SFXN1: variants seen among roughly 807,000 people sequenced by gnomAD.
The protein encoded by SFXN1 is sideroflexin 1.
In SFXN1, 32 loss-of-function variants were observed where a neutral mutation model predicts 39.5. The observed-to-expected ratio is 0.81, with a 90% confidence interval of 0.61 to 1.09. SFXN1 has a LOEUF of 1.09. SFXN1 is among the 50% of genes least tolerant of loss of function. The pLI, the probability that SFXN1 is intolerant of heterozygous loss-of-function variation, is 0.00. For synonymous variants in SFXN1, 136 were observed against 146.5 expected (o/e 0.93, Z 0.52); for missense variants, 402 against 407.1 (o/e 0.99, Z 0.11).
intron 2 of SFXN1, among the ~76,000 whole-genome samples, chr5:175,499,182 GA>G (rs1759980284): frequency 6.6e-6 from 1 of 152,034 alleles, no homozygotes; most frequent in African/African-American, 2.4e-5. Context: ...TTGTACCCAG[GA>G]GGCGGAGGTT....
At chr5:175,504,326 G>T (rs745445333) in intron 2 of SFXN1, among the ~76,000 whole-genome samples, 3 of 152,010 alleles carry the variant, frequency 2.0e-5, no homozygotes, top group Non-Finnish European at 4.4e-5. Context: ...TGTAATCCCA[G>T]CACTTTGGGA....
At chr5:175,507,200 A>C (rs1020403460) in intron 2 of SFXN1, among the ~76,000 whole-genome samples, 1 of 151,174 alleles carries the variant, frequency 6.6e-6, no homozygotes, top group African/African-American at 2.4e-5. Flanking sequence ...CTGATTGCAC[A>C]TGGCCTTCCT....
intron 7 of SFXN1, among the ~76,000 whole-genome samples, chr5:175,514,023 C>T (rs1018793385): frequency 1.3e-5 from 2 of 152,054 alleles, no homozygotes; most frequent in African/African-American, 4.8e-5. Flanking sequence ...GCGTTTCACA[C>T]CTGGGTTTTA....
At chr5:175,499,506 A>C (rs1342546576) in intron 2 of SFXN1, among the ~76,000 whole-genome samples, 1 of 152,232 alleles carries the variant, frequency 6.6e-6, no homozygotes, top group African/African-American at 2.4e-5. Context: ...CAAGAATGCA[A>C]GATTGGTTTA....
intron 2 of SFXN1, among the ~76,000 whole-genome samples, chr5:175,494,174 C>G (rs577896416): frequency 1.3e-5 from 2 of 152,262 alleles, no homozygotes; most frequent in South Asian, 4.2e-4. Flanking sequence ...AACCATTTCT[C>G]TAATTAAAGA....
intron 1 of SFXN1, among the ~76,000 whole-genome samples, chr5:175,483,007 G>GT (rs1477546495): frequency 1.3e-5 from 2 of 152,150 alleles, no homozygotes; most frequent in Non-Finnish European, 2.9e-5. Context: ...TATGGAAGGC[G>GT]TAAGTTAATT....
chr5:175,490,991 T>G (rs71597333), intron 1 of SFXN1, among the ~76,000 whole-genome samples: 1 of 152,206 alleles, frequency 6.6e-6, no homozygotes, highest in Non-Finnish European at 1.5e-5. Flanking sequence ...TATGGGAGAT[T>G]TTGTTTCTTT....
rs192447767 is a variant in SFXN1, at chr5:175,491,628, G to T, written c.-9-467G>T. On this transcript the variant is annotated intron_variant, in intron 1 of 10. Coordinates refer to ENST00000321442, the MANE Select transcript of SFXN1 (RefSeq NM_022754.7). ...GCCTCCTGAGTAGCTGCAACTATAGGCGTGCACCACCATGCCCGGATAAGT... is the reference window on the plus strand; with the variant it reads ...GCCTCCTGAGTAGCTGCAACTATAGTCGTGCACCACCATGCCCGGATAAGT... 9.2e-5 allele frequency: 14 copies of T among 152,790 alleles called. No individual in the cohort carries two copies. In the East Asian group the frequency reaches 2.7e-3, roughly 29 times the overall value. The allele number at this position is 152,790 out of a possible 1,614,324, so 9.5% of individuals were successfully genotyped here. A position where few individuals can be genotyped will look rare whatever the true frequency, so the allele number is the denominator to read the frequency against.
At chr5:175,516,952 G>A (rs1760731701) in intron 8 of SFXN1, among the ~76,000 whole-genome samples, 1 of 152,166 alleles carries the variant, frequency 6.6e-6, no homozygotes, top group South Asian at 2.1e-4. Flanking sequence ...TGTGAATTTG[G>A]AATGACATGT....
At chr5:175,513,171 A>G (rs924859664) in intron 6 of SFXN1, among the ~76,000 whole-genome samples, 2 of 151,856 alleles carry the variant, frequency 1.3e-5, no homozygotes, top group African/African-American at 4.8e-5. Flanking sequence ...ACACTGTCAC[A>G]TGCCTGTAAT....
At chr5:175,479,997 A>G (rs118045760) in intron 1 of SFXN1, among the ~76,000 whole-genome samples, 2,012 of 152,296 alleles carry the variant, frequency 0.013, 41 homozygotes, top group African/African-American at 0.044. Flanking sequence ...TTGATATAAA[A>G]GATGAGAGGG....
intron 8 of SFXN1, among the ~76,000 whole-genome samples, chr5:175,519,789 T>G (rs1760822447): frequency 6.6e-6 from 1 of 151,904 alleles, no homozygotes; most frequent in African/African-American, 2.4e-5. Flanking sequence ...ATATGGGCAG[T>G]TGTATGTCAA....
At chr5:175,493,208 G>T (rs190549914) in intron 2 of SFXN1, among the ~76,000 whole-genome samples, 2 of 151,858 alleles carry the variant, frequency 1.3e-5, no homozygotes, top group Non-Finnish European at 2.9e-5. Flanking sequence ...AGCCAGGATC[G>T]TGCCACTCGC....
At chr5:175,497,662 C>T (rs1262136016) in intron 2 of SFXN1, among the ~76,000 whole-genome samples, 1 of 152,136 alleles carries the variant, frequency 6.6e-6, no homozygotes, top group Non-Finnish European at 1.5e-5. Flanking sequence ...GGCGCAGTGA[C>T]TCACACCTGT....
At chr5:175,526,555 C>A in intron 10 of SFXN1, 83 bp from the exon 11 acceptor site, 1 of 1,089,788 alleles carries the variant, frequency 9.2e-7, no homozygotes, top group South Asian at 1.3e-5. Context: ...GATCTCCACA[C>A]CTGTGCCTTC....
chr5:175,513,788 C>T (rs1183286006), intron 7 of SFXN1, 198 bp downstream of exon 7: 12 of 513,904 alleles, frequency 2.3e-5, no homozygotes, highest in South Asian at 2.2e-5. Context: ...GGGGCTAGGG[C>T]GTGTGGGTAG....
chr5:175,519,857 T>G (rs1760824036), intron 8 of SFXN1, among the ~76,000 whole-genome samples: 1 of 148,036 alleles, frequency 6.8e-6, no homozygotes, highest in African/African-American at 2.5e-5. Context: ...TTTCAGGGGG[T>G]TTTTTGCTTT....
chr5:175,504,177 C>T (rs189471046), intron 2 of SFXN1, among the ~76,000 whole-genome samples: 3 of 152,186 alleles, frequency 2.0e-5, no homozygotes, highest in East Asian at 1.9e-4. Context: ...ATTAACTGTT[C>T]GAAGTTTCCA....
chr5:175,490,273 C>A (rs977402750), intron 1 of SFXN1, among the ~76,000 whole-genome samples: 4 of 152,122 alleles, frequency 2.6e-5, no homozygotes, highest in African/African-American at 7.2e-5. Context: ...GTTAGGACAC[C>A]GTATAGCTGC....
Sources: gnomAD v4.1 joint callset for allele counts (sites outside exome capture counted in the v4.1 genomes callset) on GRCh38, gnomAD v4.1.1 for gene constraint, MANE v1.5 for transcripts, NCBI Gene and HGNC (gene_info 2026-07-23, HGNC 2026-07-21) for gene names.